Variants in LINGO2 observed in about 807,000 individuals in gnomAD.
LINGO2 encodes the protein leucine-rich repeat and immunoglobulin-like domain-containing nogo receptor-interacting protein 2.
In LINGO2, 14 loss-of-function variants were observed where a neutral mutation model predicts 30.6. The ratio of observed to expected loss-of-function variants is 0.46; its 90% CI spans 0.30 to 0.72. The LOEUF (loss-of-function observed/expected upper bound fraction) is 0.72. Among genes scored for constraint, LINGO2 ranks in the 30% least tolerant of loss-of-function variants. The probability of loss-of-function intolerance (pLI) is 0.07; values close to 1 mark genes in which losing one functional copy is unlikely to be tolerated. For synonymous variants in LINGO2, 317 were observed against 288.5 expected (o/e 1.10, Z -1.00); for missense variants, 729 against 751.7 (o/e 0.97, Z 0.35).
chr9:27,949,947 G>T (rs754947628), exon 6 of LINGO2: 14 of 1,614,094 alleles, frequency 8.7e-6, no homozygotes, highest in Non-Finnish European at 1.1e-5. Context: ...GCTATTGGCA[G>T]GCATCATATC....
the LINGO2 span, among the ~76,000 whole-genome samples, chr9:29,139,319 G>C: frequency 2.0e-5 from 3 of 152,110 alleles, no homozygotes; most frequent in African/African-American, 7.2e-5. Flanking sequence ...GGCATGCCCA[G>C]GTTCCTGGCC....
the LINGO2 span, among the ~76,000 whole-genome samples, chr9:29,099,593 C>T: frequency 3.5e-3 from 527 of 152,096 alleles, 1 homozygote; most frequent in African/African-American, 0.012. Context: ...AGATGTATCT[C>T]GAAAGAAGAC....
At chr9:29,061,132 T>C in the LINGO2 span, among the ~76,000 whole-genome samples, 1 of 151,720 alleles carries the variant, frequency 6.6e-6, no homozygotes, top group African/African-American at 2.4e-5. Flanking sequence ...AGGAAAAAAA[T>C]TGGCACATCC....
At chr9:28,686,816 T>C in the LINGO2 span, among the ~76,000 whole-genome samples, 1 of 152,138 alleles carries the variant, frequency 6.6e-6, no homozygotes, top group South Asian at 2.1e-4. Context: ...CCAGAATAGA[T>C]TGTAATAATT....
chr9:28,663,653 A>C (rs1468051097), intron 1 of LINGO2, among the ~76,000 whole-genome samples: 1 of 152,210 alleles, frequency 6.6e-6, no homozygotes, highest in Non-Finnish European at 1.5e-5. Context: ...GTATGTATTA[A>C]TAATATTTTA....
intron 1 of LINGO2, among the ~76,000 whole-genome samples, chr9:28,593,693 T>A (rs1276105563): frequency 2.1e-5 from 3 of 146,278 alleles, no homozygotes; most frequent in Non-Finnish European, 3.0e-5. Flanking sequence ...CAAGATCATT[T>A]CACCAGAAAG....
chr9:28,675,901 G>A, the LINGO2 span, among the ~76,000 whole-genome samples: 12 of 107,614 alleles, frequency 1.1e-4, no homozygotes, highest in Non-Finnish European at 2.3e-4. Context: ...GTGTGTGTGT[G>A]TATGTATATA....
rs190941020 is a variant in LINGO2 at position 28,641,617 on chromosome 9, T to G, written c.-365+28583A>C. Among the ~76,000 whole-genome samples, 63 of 152,314 alleles carry G rather than the reference T, an allele frequency of 4.1e-4. No homozygotes were observed. The Middle Eastern group carries it at 0.034, about 82-fold the overall frequency. ...CTTTGTAGGAAAATCTAATCTGACC[T>G]GATTTCACACATATTTGCAGTCAGC... is the stretch of plus-strand genomic sequence containing the variant. On this transcript the variant is annotated intron_variant, in intron 1 of 5. Transcript: ENST00000379992.
chr9:28,022,135 T>C (rs1823157864), intron 4 of LINGO2, among the ~76,000 whole-genome samples: 1 of 152,072 alleles, frequency 6.6e-6, no homozygotes, highest in South Asian at 2.1e-4. Flanking sequence ...TTAAATTTTA[T>C]TAAAAATTAA....
At chr9:27,986,897 G>A (rs911342841) in intron 5 of LINGO2, among the ~76,000 whole-genome samples, 2 of 151,814 alleles carry the variant, frequency 1.3e-5, no homozygotes, top group Non-Finnish European at 2.9e-5. Context: ...AAGAGGAAGA[G>A]CATAAAAGAG....
the LINGO2 span, among the ~76,000 whole-genome samples, chr9:28,903,553 G>A: frequency 1.3e-5 from 2 of 152,146 alleles, no homozygotes; most frequent in African/African-American, 4.8e-5. Context: ...AAAGCTCACT[G>A]TAGCCTCAAA....
At chr9:28,046,896 C>A (rs1017993848) in intron 4 of LINGO2, among the ~76,000 whole-genome samples, 2 of 152,072 alleles carry the variant, frequency 1.3e-5, no homozygotes, top group Admixed American at 1.3e-4. Flanking sequence ...CTGGATTTCA[C>A]TACTTTAAAG....
At chr9:28,216,744 C>T (rs954096568) in intron 4 of LINGO2, among the ~76,000 whole-genome samples, 1 of 151,784 alleles carries the variant, frequency 6.6e-6, no homozygotes, top group Non-Finnish European at 1.5e-5. Flanking sequence ...TTTCTTAGAA[C>T]TAAAATGGCT....
chr9:28,628,259 T>C (rs13292271), intron 1 of LINGO2, among the ~76,000 whole-genome samples: 14,156 of 152,066 alleles, frequency 0.093, 850 homozygotes, highest in East Asian at 0.19. Context: ...TTTCCTTCCT[T>C]TTGTAGAAAG....
the LINGO2 span, chr9:27,942,379 T>G: frequency 1.3e-5 from 2 of 152,202 alleles, no homozygotes; most frequent in East Asian, 3.9e-4. Flanking sequence ...ATATTGCATT[T>G]CTTATTAATA....
At chr9:29,194,179 T>C in the LINGO2 span, among the ~76,000 whole-genome samples, 1 of 152,166 alleles carries the variant, frequency 6.6e-6, no homozygotes, top group Non-Finnish European at 1.5e-5. Context: ...TTACATACAG[T>C]AGGTGCTCAT....
At chr9:27,967,183 G>C (rs1190225922) in intron 5 of LINGO2, among the ~76,000 whole-genome samples, 2 of 152,134 alleles carry the variant, frequency 1.3e-5, no homozygotes, top group Admixed American at 1.3e-4. Context: ...ACCAGCTTCT[G>C]TAACAGATAA....
At chr9:28,457,238 T>A (rs1281864614) in intron 2 of LINGO2, among the ~76,000 whole-genome samples, 1 of 152,166 alleles carries the variant, frequency 6.6e-6, no homozygotes, top group Non-Finnish European at 1.5e-5. Context: ...GCACAGAATC[T>A]TTTCCTTGCA....
At chr9:28,913,840 A>G in the LINGO2 span, among the ~76,000 whole-genome samples, 1 of 152,306 alleles carries the variant, frequency 6.6e-6, no homozygotes, top group Non-Finnish European at 1.5e-5. Flanking sequence ...ATGACCAAGT[A>G]ATACGTTATA....
Sources: gnomAD v4.1 joint callset for allele counts (sites outside exome capture counted in the v4.1 genomes callset) on GRCh38, gnomAD v4.1.1 for gene constraint, MANE v1.5 for transcripts, NCBI Gene and HGNC (gene_info 2026-07-23, HGNC 2026-07-21) for gene names.